Variants in ELP3 observed in about 807,000 individuals in gnomAD.
The protein encoded by ELP3 is elongator acetyltransferase complex subunit 3, also known as elongator complex protein 3.
A neutral mutation model predicts 74.9 loss-of-function variants in ELP3; 56 were observed. The ratio of observed to expected loss-of-function variants is 0.75; its 90% CI spans 0.60 to 0.93. The LOEUF is 0.93. ELP3 is among the 40% of genes least tolerant of loss of function. The pLI, the probability that ELP3 is intolerant of heterozygous loss-of-function variation, is 0.00. For missense variants in ELP3, 573 were observed against 686.5 expected (o/e 0.83, Z 1.85); for synonymous variants, 222 against 239.8 (o/e 0.93, Z 0.68).
At chr8:28,090,422 T>A (rs1477081020), upstream of ELP3, 1 of 305,758 alleles carries the variant, frequency 3.3e-6, no homozygotes, top group African/African-American at 2.2e-5. Context: ...AGTGTCCAAG[T>A]CTGGAACCCA....
intron 10 of ELP3, 121 bp from the exon 11 acceptor site, chr8:28,155,821 A>G (rs1813803432): frequency 2.9e-6 from 2 of 683,898 alleles, no homozygotes; most frequent in African/African-American, 3.6e-5. Context: ...TTTCCTGGTC[A>G]GCTTCATAGG....
intron 10 of ELP3, among the ~76,000 whole-genome samples, chr8:28,154,564 C>T (rs1813757430): frequency 1.3e-5 from 2 of 151,888 alleles, no homozygotes; most frequent in African/African-American, 4.8e-5. Flanking sequence ...TTTGTGAGTT[C>T]TTTATAAATT....
intron 14 of ELP3, among the ~76,000 whole-genome samples, chr8:28,173,758 C>G (rs573219115): frequency 2.0e-5 from 3 of 151,930 alleles, no homozygotes; most frequent in Non-Finnish European, 4.4e-5. Flanking sequence ...AAGTTTCCCT[C>G]TGAGCACTGT....
chr8:28,183,064 TTTAATG>T, intron 14 of ELP3: 1 of 451,042 alleles, frequency 2.2e-6, no homozygotes, highest in Middle Eastern at 3.4e-4. Flanking sequence ...GTCCTCTGCC[TTTAATG>T]TAACCCCTTT....
At chr8:28,108,156 C>T (rs1811770797) in intron 5 of ELP3, among the ~76,000 whole-genome samples, 180 bp downstream of exon 5, 1 of 152,200 alleles carries the variant, frequency 6.6e-6, no homozygotes, top group Admixed American at 6.5e-5. Context: ...ATTATTCTAG[C>T]CACTAGAGAA....
chr8:28,106,923 AACC>A (rs1811719845), intron 4 of ELP3, 140 bp downstream of exon 4: 1 of 628,912 alleles, frequency 1.6e-6, no homozygotes, highest in Admixed American at 3.0e-5. Context: ...TCAAACAAGC[AACC>A]ATTGGTAGAT....
In ELP3 at chr8:28,156,021, C is replaced by G; in HGVS notation, c.1180C>G (p.Leu394Val). 6.2e-7 allele frequency: 1 copy of G among 1,613,462 alleles called. No homozygotes were observed. Among genetic ancestry groups the G allele is most frequent in the Admixed American group, 1.7e-5 (1 of 59,992 alleles). ...GCTGGCACTTGCAAGAATGAAAGAC[C>G]TCGGAATACAGGTAAGAGCAAATAT... ...RELALARMKDLGIQCRDVRTR... is the reference protein window; with the variant it reads ...RELALARMKDVGIQCRDVRTR... Residue 394 changes from leucine (L) to valine (V), a missense_variant, in exon 11 of 15, where the codon CTC (leucine) becomes GTC (valine). Physicochemically the swap from Leu to Val is conservative, Grantham distance 32. Transcript: ENST00000256398.
intron 3 of ELP3, among the ~76,000 whole-genome samples, chr8:28,105,576 G>A (rs1484230989): frequency 6.6e-6 from 1 of 152,126 alleles, no homozygotes; most frequent in Non-Finnish European, 1.5e-5. Context: ...CTCTCTCAGT[G>A]GACCAAGCGA....
Position 28,097,309 on chromosome 8 carries a change from A to C in ELP3, c.110A>C (p.Asp37Ala). 1 of 1,611,662 alleles carries C rather than the reference A, an allele frequency of 6.2e-7. No individual in the cohort carries two copies. Among genetic ancestry groups the C allele is most frequent in the Non-Finnish European group, 8.5e-7 (1 of 1,177,968 alleles). Residue 37 changes from aspartate to alanine, a missense_variant, in exon 2 of 15, where the codon GAT (aspartate) becomes GCT (alanine). Asp to Ala is a moderately radical substitution (Grantham distance 126). Transcript: ENST00000256398. ...GCCCACGAGCAGGGGAAAGACATCGATCTAAATAAGTAAGTGGATATAAAG... is the reference window on the plus strand; with the variant it reads ...GCCCACGAGCAGGGGAAAGACATCGCTCTAAATAAGTAAGTGGATATAAAG... ...IEAHEQGKDI[D>A]LNKVKTKTAA...
intron 13 of ELP3, among the ~76,000 whole-genome samples, chr8:28,161,096 A>T (rs968299075): frequency 3.3e-5 from 5 of 152,252 alleles, no homozygotes; most frequent in Non-Finnish European, 2.9e-5. Flanking sequence ...GAAAGCACTT[A>T]TGAAACACTT....
chr8:28,106,283 G>A (rs562988733), intron 3 of ELP3, among the ~76,000 whole-genome samples: 12 of 152,192 alleles, frequency 7.9e-5, no homozygotes, highest in African/African-American at 1.9e-4. Context: ...GCTCACGCCT[G>A]TAATCCCAGC....
At chr8:28,108,054 T>A in intron 5 of ELP3, 78 bp downstream of exon 5, 1 of 1,251,944 alleles carries the variant, frequency 8.0e-7, no homozygotes, top group Non-Finnish European at 1.1e-6. Flanking sequence ...AGTACTGGCT[T>A]TCTGACAATT....
chr8:28,148,866 T>C (rs1390557218), intron 10 of ELP3, among the ~76,000 whole-genome samples: 1 of 152,208 alleles, frequency 6.6e-6, no homozygotes, highest in Admixed American at 6.5e-5. Flanking sequence ...GATCTGAATG[T>C]TCCTCACCCA....
upstream of ELP3, among the ~76,000 whole-genome samples, chr8:28,091,459 TCAGA>T (rs1811051961): frequency 6.6e-6 from 1 of 152,212 alleles, no homozygotes; most frequent in South Asian, 2.1e-4. Context: ...GACAATGAGG[TCAGA>T]CAAATACCAC....
intron 14 of ELP3, 87 bp downstream of exon 14, chr8:28,162,165 T>A (rs541059460): frequency 9.3e-5 from 124 of 1,332,472 alleles, no homozygotes; most frequent in South Asian, 1.9e-4. Context: ...CTCTTGCCCC[T>A]GTTGATGGTT....
At chr8:28,140,114 T>TTG (rs56981709) in intron 10 of ELP3, among the ~76,000 whole-genome samples, 32,804 of 143,460 alleles carry the variant, frequency 0.23, 3,942 homozygotes, top group Non-Finnish European at 0.29. Flanking sequence ...TGTACATATT[T>TTG]TGTGTGTGTG....
chr8:28,150,812 T>C (rs1402871574), intron 10 of ELP3, among the ~76,000 whole-genome samples: 1 of 152,190 alleles, frequency 6.6e-6, no homozygotes, highest in South Asian at 2.1e-4. Flanking sequence ...CTTATATTAT[T>C]TTGTTTCTTC....
rs974985960 is a variant in ELP3, at chr8:28,105,347, G to A, written c.259-1366G>A. Among the ~76,000 whole-genome samples the A allele has an allele frequency of 1.7e-4, 26 of 152,220 alleles. No homozygotes were observed. In the East Asian group the frequency reaches 2.5e-3, roughly 15 times the overall value. On this transcript the variant is annotated intron_variant, in intron 3 of 14. Transcript: ENST00000256398. ...GGAGGTTGCAGTGAGCCAAGATCAC[G>A]CCATTGCACTCCAGCCTGGGCAACA...
At chr8:28,125,839 A>C (rs1172655090) in intron 7 of ELP3, among the ~76,000 whole-genome samples, 1 of 112,606 alleles carries the variant, frequency 8.9e-6, no homozygotes, top group African/African-American at 3.6e-5. Flanking sequence ...AGGAACTATT[A>C]TATTTTTACT....
Sources: allele counts gnomAD v4.1 joint callset (sites outside exome capture counted in the v4.1 genomes callset), GRCh38; gene constraint gnomAD v4.1.1; transcripts MANE v1.5; gene names NCBI Gene and HGNC (gene_info 2026-07-23, HGNC 2026-07-21).